Variants in DENND1B observed in about 807,000 individuals in gnomAD.
DENND1B encodes DENN domain containing 1B.
Under a neutral mutation model 90.1 loss-of-function variants are expected in DENND1B, and 59 were observed. That is an observed-to-expected ratio of 0.65 (90% CI 0.53 to 0.81). The LOEUF is 0.81. DENND1B is among the 40% of genes least tolerant of loss of function. The pLI is 0.00. For synonymous variants in DENND1B, 337 were observed against 324.6 expected, an observed-to-expected ratio of 1.04 and a Z score of -0.41; for missense variants, 862 against 912.6, an observed-to-expected ratio of 0.94 and a Z score of 0.71.
At chr1:197,766,560 T>C (rs1655725596) in intron 2 of DENND1B, among the ~76,000 whole-genome samples, 1 of 152,174 alleles carries the variant, frequency 6.6e-6, no homozygotes, top group Admixed American at 6.5e-5. Flanking sequence ...CTTATAAATA[T>C]TTTGCTATGA....
At chr1:197,563,436 T>C (rs1672343112) in intron 15 of DENND1B, among the ~76,000 whole-genome samples, 1 of 151,998 alleles carries the variant, frequency 6.6e-6, no homozygotes, top group African/African-American at 2.4e-5. Flanking sequence ...CTGTGCTCTA[T>C]AAATAATACA....
chr1:197,542,745 T>C (rs1198039529), intron 18 of DENND1B, among the ~76,000 whole-genome samples: 1 of 152,022 alleles, frequency 6.6e-6, no homozygotes, highest in Non-Finnish European at 1.5e-5. Context: ...GAAAGATCAG[T>C]TTTAGAAACA....
At chr1:197,556,841 C>G (rs1671759679) in intron 15 of DENND1B, among the ~76,000 whole-genome samples, 1 of 151,958 alleles carries the variant, frequency 6.6e-6, no homozygotes, top group Non-Finnish European at 1.5e-5. Flanking sequence ...GTACCACCAC[C>G]TTTTCTATCT....
At chr1:197,562,374 T>C (rs1011402446) in intron 15 of DENND1B, among the ~76,000 whole-genome samples, 2 of 151,938 alleles carry the variant, frequency 1.3e-5, no homozygotes, top group Non-Finnish European at 2.9e-5. Flanking sequence ...GTGCCATTTT[T>C]CCAACAGCAT....
chr1:197,520,915 A>G (rs567264333), intron 20 of DENND1B, among the ~76,000 whole-genome samples: 2 of 152,058 alleles, frequency 1.3e-5, no homozygotes, highest in East Asian at 1.9e-4. Context: ...GAACATTCGT[A>G]TAACAAGGGA....
intron 2 of DENND1B, among the ~76,000 whole-genome samples, chr1:197,751,362 G>T (rs1238331673): frequency 6.6e-6 from 1 of 152,108 alleles, no homozygotes; most frequent in Non-Finnish European, 1.5e-5. Context: ...AGTGAAACTA[G>T]AAAATATTTT....
intron 3 of DENND1B, chr1:197,685,535 G>A (rs1657143797): frequency 6.6e-6 from 1 of 152,080 alleles, no homozygotes; most frequent in Non-Finnish European, 1.5e-5. Flanking sequence ...CAGGAATCTA[G>A]GAGATCCTAA....
At chr1:197,739,367 C>T (rs866706761) in intron 2 of DENND1B, among the ~76,000 whole-genome samples, 8 of 152,086 alleles carry the variant, frequency 5.3e-5, no homozygotes, top group Admixed American at 1.3e-4. Flanking sequence ...GGGACATATA[C>T]GAGAAGAAAT....
At chr1:197,543,357 C>T (rs1324871701) in intron 18 of DENND1B, among the ~76,000 whole-genome samples, 1 of 152,046 alleles carries the variant, frequency 6.6e-6, no homozygotes, top group Non-Finnish European at 1.5e-5. Flanking sequence ...AACATGTTTG[C>T]TTCATTGCTG....
chr1:197,713,665 C>A (rs1660186569), intron 3 of DENND1B, among the ~76,000 whole-genome samples: 1 of 74,778 alleles, frequency 1.3e-5, no homozygotes, highest in Admixed American at 2.3e-4. Context: ...AGCGCACCAG[C>A]ATGGCACATG....
At chr1:197,608,894 T>C (rs1676933527) in intron 12 of DENND1B, among the ~76,000 whole-genome samples, 1 of 150,548 alleles carries the variant, frequency 6.6e-6, no homozygotes, top group Non-Finnish European at 1.5e-5. Context: ...ATATATTCAT[T>C]TCAAATTAAT....
chr1:197,754,659 C>CAAAAAAAAAAAAAAA (rs57926782), intron 2 of DENND1B, among the ~76,000 whole-genome samples: 16 of 72,876 alleles, frequency 2.2e-4, no homozygotes, highest in African/African-American at 2.8e-4. Flanking sequence ...GACTCTGTCT[C>CAAAAAAAAAAAAAAA]AAAAAAAAAA....
intron 10 of DENND1B, among the ~76,000 whole-genome samples, chr1:197,627,613 G>A (rs548576470): frequency 8.6e-5 from 13 of 151,740 alleles, no homozygotes; most frequent in African/African-American, 3.1e-4. Flanking sequence ...CTTTGAAAAC[G>A]GGCACAAGAC....
intron 2 of DENND1B, among the ~76,000 whole-genome samples, chr1:197,770,645 T>A (rs536831607): frequency 1.0e-4 from 4 of 38,510 alleles, no homozygotes; most frequent in Non-Finnish European, 1.7e-4. Flanking sequence ...TATATATCTA[T>A]AAATATATAT....
chr1:197,561,678 A>C (rs1046952166), intron 15 of DENND1B, among the ~76,000 whole-genome samples: 27 of 151,742 alleles, frequency 1.8e-4, no homozygotes, highest in African/African-American at 6.3e-4. Context: ...AATATGTCTG[A>C]AACTCAACTC....
chr1:197,522,352 C>G (rs1432666431), intron 20 of DENND1B, among the ~76,000 whole-genome samples: 1 of 152,086 alleles, frequency 6.6e-6, no homozygotes, highest in Non-Finnish European at 1.5e-5. Flanking sequence ...ATCAGAATTA[C>G]ATTCCTTGAG....
intron 2 of DENND1B, among the ~76,000 whole-genome samples, chr1:197,715,791 GCA>G (rs1660588366): frequency 6.6e-6 from 1 of 151,432 alleles, no homozygotes; most frequent in Non-Finnish European, 1.5e-5. Context: ...CTTCTACTTA[GCA>G]CACTAAAATG....
intron 10 of DENND1B, among the ~76,000 whole-genome samples, chr1:197,618,950 A>C (rs1267106060): frequency 5.3e-5 from 8 of 151,268 alleles, no homozygotes; most frequent in Non-Finnish European, 7.4e-5. Context: ...TGCAAAATAG[A>C]TCCATTACAT....
chr1:197,541,007 AT>A lies in DENND1B; in HGVS notation c.1358del (p.Asn453IlefsTer7). 6.2e-7 allele frequency: 1 copy of A among 1,612,498 alleles called. No homozygotes were observed. Among genetic ancestry groups the A allele is most frequent in the Non-Finnish European group, 8.5e-7 (1 of 1,179,166 alleles). On this transcript the variant is annotated frameshift_variant, in exon 19 of 23. Coordinates refer to ENST00000620048, the MANE Select transcript of DENND1B (RefSeq NM_001195215.2). LOFTEE classifies it high-confidence loss of function. Reference protein sequence around the residue: ...AVRTAYKFAKNHAKLGLKEVK... With the variant: ...AVRTAYKFAKXHAKLGLKEVK... ...CTTCCTTTAGTCCCAGCTTTGCATG[AT>A]TTTTTGCCTAGAAAATGATAATGAA...
Sources: allele counts gnomAD v4.1 joint callset (sites outside exome capture counted in the v4.1 genomes callset), GRCh38; gene constraint gnomAD v4.1.1; transcripts MANE v1.5; gene names NCBI Gene and HGNC (gene_info 2026-07-23, HGNC 2026-07-21).